Variants in ZNF710 observed in about 807,000 individuals in gnomAD.
The protein encoded by ZNF710 is zinc finger protein 710.
ZNF710 carries 13 observed loss-of-function variants against 50.6 expected under a neutral mutation model. That is an observed-to-expected ratio of 0.26 (90% CI 0.17 to 0.41). The LOEUF (loss-of-function observed/expected upper bound fraction) is 0.41, where lower values mean the gene tolerates loss of function less well. Ranked by LOEUF, ZNF710 falls within the 10% of genes least tolerant of loss-of-function variation. The pLI is 1.00. For missense variants in ZNF710, 721 were observed against 936.6 expected (o/e 0.77, Z 3.01); for synonymous variants, 383 against 397.0 (o/e 0.96, Z 0.42).
At chr15:90,024,704 A>G (rs1267159038) in intron 1 of ZNF710, among the ~76,000 whole-genome samples, 1 of 151,418 alleles carries the variant, frequency 6.6e-6, no homozygotes, top group African/African-American at 2.4e-5. Flanking sequence ...CTCTCCCTCC[A>G]CCTCCATCCT....
intron 1 of ZNF710, among the ~76,000 whole-genome samples, chr15:90,019,966 G>C (rs752274430): frequency 6.6e-6 from 1 of 152,156 alleles, no homozygotes; most frequent in African/African-American, 2.4e-5. Context: ...GGCGGTGAGT[G>C]GGGGAGCCGA....
intron 1 of ZNF710, among the ~76,000 whole-genome samples, chr15:90,023,008 A>G (rs551744301): frequency 6.6e-6 from 1 of 152,216 alleles, no homozygotes; most frequent in Non-Finnish European, 1.5e-5. Context: ...ATGTCTGTCA[A>G]GTAGCTGCTA....
Position 90,062,827 on chromosome 15 carries a change from T to TACAC in ZNF710, c.-28-4278_-28-4275dup, listed in dbSNP as rs917517668. Among the ~76,000 whole-genome samples, 1 of 152,078 alleles carries TACAC rather than the reference T, an allele frequency of 6.6e-6. No homozygotes were observed. ...CCTCCTCAGCAGAGCCCCTTCTGCA[T>TACAC]ACACACACGCGCGCACGCGCACACA... On this transcript the variant is annotated intron_variant, in intron 1 of 4. Transcript: ENST00000268154. The surrounding 1 kb of genome is among the most constrained non-coding windows in gnomAD (Gnocchi z 5.6).
chr15:90,021,155 A>T (rs897436838), intron 1 of ZNF710, among the ~76,000 whole-genome samples: 1 of 152,202 alleles, frequency 6.6e-6, no homozygotes, highest in Admixed American at 6.5e-5. Context: ...AGCTCTCTCA[A>T]CTGCGTCCTT....
chr15:90,035,787 T>C (rs1899104825), intron 1 of ZNF710, among the ~76,000 whole-genome samples: 1 of 152,250 alleles, frequency 6.6e-6, no homozygotes, highest in South Asian at 2.1e-4. Context: ...CAGCCAGGAC[T>C]GGCTACATAA....
At chr15:89,998,806 T>C (rs1217531961), upstream of ZNF710, among the ~76,000 whole-genome samples, 2 of 152,250 alleles carry the variant, frequency 1.3e-5, no homozygotes, top group Non-Finnish European at 1.5e-5. Flanking sequence ...CAGGTAAGCC[T>C]GGGCCCTTAA....
At chr15:90,007,299 G>A (rs542462065) in intron 1 of ZNF710, among the ~76,000 whole-genome samples, 1 of 152,124 alleles carries the variant, frequency 6.6e-6, no homozygotes, top group East Asian at 1.9e-4. Context: ...ATAGTTCCAT[G>A]CATGGGAACA....
chr15:90,027,267 A>C (rs535587422), intron 1 of ZNF710, among the ~76,000 whole-genome samples: 1 of 151,886 alleles, frequency 6.6e-6, no homozygotes, highest in African/African-American at 2.4e-5. Flanking sequence ...CTGGAGTGCA[A>C]TGGCGAGATC....
chr15:90,057,602 C>G (rs1289773815), intron 1 of ZNF710, among the ~76,000 whole-genome samples: 1 of 151,828 alleles, frequency 6.6e-6, no homozygotes, highest in Non-Finnish European at 1.5e-5. Context: ...GTGGCTGAGG[C>G]ACGAGAATCG....
intron 1 of ZNF710, among the ~76,000 whole-genome samples, chr15:90,057,813 G>T (rs1397922581): frequency 6.6e-6 from 1 of 152,036 alleles, no homozygotes; most frequent in African/African-American, 2.4e-5. Context: ...CTGGTCTAGA[G>T]TGAGACCCCG....
chr15:90,064,202 C>T (rs1358429174), intron 1 of ZNF710, among the ~76,000 whole-genome samples: 1 of 152,260 alleles, frequency 6.6e-6, no homozygotes, highest in Non-Finnish European at 1.5e-5. Flanking sequence ...CCTCAGCGTG[C>T]TCTGCAAAAC....
In ZNF710 at chr15:90,074,010, A is replaced by C. The variant is rs1053245548; in HGVS notation, c.1651-106A>C. 1.2e-4 allele frequency: 146 copies of C among 1,262,208 alleles called. 6 individuals are homozygous for C. Among genetic ancestry groups the C allele is most frequent in the South Asian group, 1.3e-4 (8 of 62,458 alleles). The allele number at this position is 1,262,208 out of a possible 1,614,324, so 78.2% of individuals were successfully genotyped here. A position where few individuals can be genotyped will look rare whatever the true frequency, so the allele number is the denominator to read the frequency against. The stretch of plus-strand genomic sequence containing the variant: ...GTCTCAAAAAAAAAACAAAAAAAAA[A>C]AACAAAAGAATAGGATTCTGGCCCA... On this transcript the variant is annotated intron_variant, in intron 3 of 4. Transcript: ENST00000268154.
intron 1 of ZNF710, among the ~76,000 whole-genome samples, chr15:90,010,804 G>A (rs186726975): frequency 3.8e-4 from 58 of 152,160 alleles, no homozygotes; most frequent in African/African-American, 1.3e-3. Flanking sequence ...AGGTGGGAGT[G>A]TAGTGGCAGG....
intron 1 of ZNF710, among the ~76,000 whole-genome samples, chr15:90,066,570 C>A (rs758851782): frequency 1.1e-4 from 17 of 150,676 alleles, no homozygotes; most frequent in Non-Finnish European, 2.1e-4. Context: ...CTCCGCCTCC[C>A]AGGTTCAAGT....
At chr15:90,076,798 G>T (rs1013010277) in intron 4 of ZNF710, among the ~76,000 whole-genome samples, 2 of 148,452 alleles carry the variant, frequency 1.3e-5, no homozygotes, top group African/African-American at 5.0e-5. Context: ...ACCAGAAATC[G>T]CCCCACCCCC....
intron 1 of ZNF710, among the ~76,000 whole-genome samples, chr15:90,049,934 C>G (rs1899586863): frequency 6.6e-6 from 1 of 152,222 alleles, no homozygotes; most frequent in Non-Finnish European, 1.5e-5. Flanking sequence ...AGGCTTCCAC[C>G]CCTTGCATAG....
chr15:90,068,902 G>A lies in ZNF710; in HGVS notation c.1458+307G>A, dbSNP rs1008318738. Among the ~76,000 whole-genome samples the A allele has an allele frequency of 9.2e-5, 14 of 152,024 alleles. No individual in the cohort carries two copies. The highest frequency in any genetic ancestry group is 3.4e-4 in the African/African-American group (14 of 41,466). On this transcript the variant is annotated intron_variant, in intron 2 of 4. Transcript: ENST00000268154. The surrounding 1 kb of genome is among the most constrained non-coding windows in gnomAD (Gnocchi z 5.0). ...GAGTCCTGGGGTTTGAGACCAGCCTGGGCAAAATAATGAGACCCCATCGCT... is the reference window on the plus strand; with the variant it reads ...GAGTCCTGGGGTTTGAGACCAGCCTAGGCAAAATAATGAGACCCCATCGCT...
chr15:90,026,856 G>T (rs1296336850), intron 1 of ZNF710, among the ~76,000 whole-genome samples: 1 of 152,038 alleles, frequency 6.6e-6, no homozygotes, highest in African/African-American at 2.4e-5. Flanking sequence ...CAAAAAAAAG[G>T]AACAGAAGGG....
intron 1 of ZNF710, among the ~76,000 whole-genome samples, chr15:90,035,884 T>C (rs1393519263): frequency 6.6e-6 from 1 of 152,174 alleles, no homozygotes; most frequent in Non-Finnish European, 1.5e-5. Context: ...CGAAACCAAA[T>C]GTGAGCCCTT....
Sources: gnomAD v4.1 joint callset for allele counts (sites outside exome capture counted in the v4.1 genomes callset) on GRCh38, gnomAD v4.1.1 for gene constraint, Gnocchi (gnomAD v3.1) non-coding constraint, MANE v1.5 for transcripts, NCBI Gene and HGNC (gene_info 2026-07-23, HGNC 2026-07-21) for gene names.